Variants in ZNF366 observed in about 807,000 individuals in gnomAD.
ZNF366 encodes the protein dendritic cell-specific transcript protein.
In ZNF366, 20 loss-of-function variants were observed where a neutral mutation model predicts 47.2. That is an observed-to-expected ratio of 0.42 (90% confidence interval 0.30 to 0.62). The LOEUF (loss-of-function observed/expected upper bound fraction) is 0.62, where lower values mean the gene tolerates loss of function less well. ZNF366 is among the 20% of genes least tolerant of loss of function. ZNF366 has a pLI of 0.16. For synonymous variants in ZNF366, 421 were observed against 395.1 expected, an observed-to-expected ratio of 1.07 and a Z score of -0.78; for missense variants, 987 against 976.3, an observed-to-expected ratio of 1.01 and a Z score of -0.15.
intron 1 of ZNF366, among the ~76,000 whole-genome samples, chr5:72,485,999 C>A (rs572099990): frequency 6.6e-6 from 1 of 152,162 alleles, no homozygotes; most frequent in Non-Finnish European, 1.5e-5. Context: ...TGAGGCCACC[C>A]GAACTCTGGC....
Position 72,444,041 on chromosome 5 carries a change from G to C in ZNF366, c.1950C>G (p.Thr650=). ...GCACCTCGGGGGCGTGCTCCGACTT[G>C]GTGGACAGATCCTCGGGTGTGCAGA... is the stretch of plus-strand genomic sequence containing the variant. ...QQLCTPEDLS[T]KSEHAPEVLE... is the part of the protein sequence containing the mutation. The change falls in exon 5 of 5, where the codon ACC becomes ACG. Residue 650 remains threonine, a synonymous_variant. Transcript: ENST00000318442. 6.2e-7 allele frequency: 1 copy of C among 1,614,168 alleles called. No individual in the cohort carries two copies. Among genetic ancestry groups the C allele is most frequent in the Non-Finnish European group, 8.5e-7 (1 of 1,180,008 alleles).
chr5:72,499,248 G>T (rs1744164058), intron 1 of ZNF366, among the ~76,000 whole-genome samples: 1 of 152,284 alleles, frequency 6.6e-6, no homozygotes, highest in Non-Finnish European at 1.5e-5. Context: ...AAATCACTGG[G>T]TGCTAGGAGG....
At chr5:72,456,814 C>T (rs1002249881) in intron 2 of ZNF366, among the ~76,000 whole-genome samples, 1 of 152,070 alleles carries the variant, frequency 6.6e-6, no homozygotes, top group Non-Finnish European at 1.5e-5. Context: ...CATAAACTAG[C>T]CAGACTATTA....
chr5:72,494,871 A>G (rs919285528), intron 1 of ZNF366, among the ~76,000 whole-genome samples: 3 of 152,144 alleles, frequency 2.0e-5, no homozygotes, highest in African/African-American at 7.2e-5. Context: ...TTAATATTTA[A>G]TAATATTCTA....
chr5:72,494,952 C>CAGTT (rs1315288321), intron 1 of ZNF366, among the ~76,000 whole-genome samples: 12 of 152,256 alleles, frequency 7.9e-5, no homozygotes, highest in African/African-American at 2.6e-4. Context: ...GCTCAACCCC[C>CAGTT]CGCATAATGT....
chr5:72,450,469 A>G (rs777362989), intron 3 of ZNF366, among the ~76,000 whole-genome samples: 3 of 152,202 alleles, frequency 2.0e-5, no homozygotes, highest in Non-Finnish European at 4.4e-5. Context: ...GACTACACAT[A>G]TGGTACACTT....
rs201784071 is a variant in ZNF366 at position 72,456,971 on chromosome 5, G to GA, written c.1333-377dup. ...TCCATAATCCAGCTTTCATGATAAT[G>GA]AAAAAAAAATCTTCCAAAATGATAT... On this transcript the variant is annotated intron_variant, in intron 2 of 4. Transcript: ENST00000318442. 1.8e-4 allele frequency among the ~76,000 whole-genome samples: 27 copies of GA among 150,896 alleles called. No individual in the cohort carries two copies. The East Asian group carries it at 2.9e-3, about 16-fold the overall frequency.
Position 72,451,050 on chromosome 5 carries a change from C to G in ZNF366, c.1525-3633G>C, listed in dbSNP as rs1011394954. On this transcript the variant is annotated intron_variant, in intron 3 of 4. Coordinates refer to ENST00000318442, the MANE Select transcript of ZNF366 (RefSeq NM_152625.3). ...TCCAGAGAAAAGCAGCCATTGAAGTCAAGGTCTCCTTAAATCATGTGATGT... is the reference window on the plus strand; with the variant it reads ...TCCAGAGAAAAGCAGCCATTGAAGTGAAGGTCTCCTTAAATCATGTGATGT... Among the ~76,000 whole-genome samples, 113 of 152,238 alleles carry G rather than the reference C, an allele frequency of 7.4e-4. 8 individuals are homozygous for G. The highest frequency in any genetic ancestry group is 4.4e-5 in the Non-Finnish European group (3 of 68,042).
chr5:72,441,060 C>T lies in ZNF366; in HGVS notation c.*2696G>A, dbSNP rs1243797798. On this transcript the variant is annotated 3_prime_UTR_variant, in exon 5 of 5. Coordinates refer to ENST00000318442, the MANE Select transcript of ZNF366 (RefSeq NM_152625.3). Reference sequence around the variant, plus strand: ...TTGAGAGCTTCTCCTCCCCTTACCACTCTTCAGAGGCCTAAAGATGACCTC... The same window carrying T: ...TTGAGAGCTTCTCCTCCCCTTACCATTCTTCAGAGGCCTAAAGATGACCTC... 2 of 152,156 alleles carry T rather than the reference C, an allele frequency of 1.3e-5. No individual in the cohort carries two copies. The highest frequency in any genetic ancestry group is 4.8e-5 in the African/African-American group (2 of 41,436). 9.4% of individuals were successfully genotyped at this position (152,156 alleles called of 1,614,324 possible).
At chr5:72,481,023 G>T (rs997701593) in intron 1 of ZNF366, among the ~76,000 whole-genome samples, 1 of 152,012 alleles carries the variant, frequency 6.6e-6, no homozygotes, top group Non-Finnish European at 1.5e-5. Flanking sequence ...ATTGAAGGAC[G>T]GAAGGAACAC....
At chr5:72,487,284 G>A (rs1456713241) in intron 1 of ZNF366, among the ~76,000 whole-genome samples, 1 of 152,176 alleles carries the variant, frequency 6.6e-6, no homozygotes, top group African/African-American at 2.4e-5. Context: ...TCATTAGGCT[G>A]AGCAGTGCTT....
At chr5:72,482,941 C>T (rs545384881) in intron 1 of ZNF366, among the ~76,000 whole-genome samples, 5 of 151,970 alleles carry the variant, frequency 3.3e-5, no homozygotes, top group East Asian at 1.9e-4. Context: ...ACATTTGCAC[C>T]GTATGTTAGT....
At chr5:72,506,192 A>C (rs55714658) in intron 1 of ZNF366, among the ~76,000 whole-genome samples, 1 of 152,240 alleles carries the variant, frequency 6.6e-6, no homozygotes, top group Non-Finnish European at 1.5e-5. Flanking sequence ...GAATATTTTT[A>C]AAAAGTATGC....
At chr5:72,475,082 G>A (rs1053455840) in intron 1 of ZNF366, among the ~76,000 whole-genome samples, 1 of 152,152 alleles carries the variant, frequency 6.6e-6, no homozygotes, top group African/African-American at 2.4e-5. Context: ...CTTTGAGGAG[G>A]CTCAATGTTG....
chr5:72,451,416 A>T (rs1171422746), intron 3 of ZNF366, among the ~76,000 whole-genome samples: 1 of 152,226 alleles, frequency 6.6e-6, no homozygotes, highest in Non-Finnish European at 1.5e-5. Flanking sequence ...ATGTCAGAGT[A>T]GTGAGAGGAG....
At chr5:72,467,877 T>C (rs1447062624) in intron 1 of ZNF366, among the ~76,000 whole-genome samples, 1 of 151,662 alleles carries the variant, frequency 6.6e-6, no homozygotes, top group Non-Finnish European at 1.5e-5. Context: ...AAGGTGAGAG[T>C]CAAGGAAAAT....
intron 1 of ZNF366, chr5:72,494,426 A>G (rs1744072056): frequency 1.3e-5 from 2 of 152,184 alleles, no homozygotes. Context: ...CCTGACAAAT[A>G]CAGTTCTGAT....
chr5:72,504,043 A>G (rs1744267861), intron 1 of ZNF366, among the ~76,000 whole-genome samples: 1 of 151,710 alleles, frequency 6.6e-6, no homozygotes, highest in African/African-American at 2.4e-5. Context: ...CCACACACAC[A>G]CATGCACACA....
chr5:72,465,746 A>G (rs1260422428), intron 1 of ZNF366, among the ~76,000 whole-genome samples: 2 of 152,194 alleles, frequency 1.3e-5, no homozygotes, highest in Non-Finnish European at 2.9e-5. Context: ...ACAACGTGCA[A>G]AAAGAAAGAA....
Sources: allele counts gnomAD v4.1 joint callset (sites outside exome capture counted in the v4.1 genomes callset), GRCh38; gene constraint gnomAD v4.1.1; transcripts MANE v1.5; gene names NCBI Gene and HGNC (gene_info 2026-07-23, HGNC 2026-07-21).